PCDHGB5: variants seen among roughly 807,000 people sequenced by gnomAD.
PCDHGB5 encodes the protein protocadherin gamma-B5.
PCDHGB5 carries 48 observed loss-of-function variants against 62.9 expected under a neutral mutation model. The ratio of observed to expected loss-of-function variants is 0.76; its 90% CI spans 0.61 to 0.97. The LOEUF is 0.97. Ranked by LOEUF, PCDHGB5 falls within the 50% of genes least tolerant of loss-of-function variation. The pLI is 0.00. For missense variants in PCDHGB5, 1,118 were observed against 1,198.6 expected, an observed-to-expected ratio of 0.93 and a Z score of 0.99; for synonymous variants, 474 against 511.2, an observed-to-expected ratio of 0.93 and a Z score of 0.98.
chr5:141,511,138 A>C lies in PCDHGB5; in HGVS notation c.2737A>C (p.Asn913His). 6.2e-7 allele frequency: 1 copy of C among 1,614,210 alleles called. No homozygotes were observed. ...DGKAPAGGNGNKKKSGKKEKK is the reference protein window; with the variant it reads ...DGKAPAGGNGHKKKSGKKEKK ...CAAGGCCCCAGCAGGTGGCAATGGCAACAAGAAGAAGTCGGGCAAGAAGGA... is the reference window on the plus strand; with the variant it reads ...CAAGGCCCCAGCAGGTGGCAATGGCCACAAGAAGAAGTCGGGCAAGAAGGA... Residue 913 changes from asparagine to histidine, a missense_variant, in exon 4 of 4, where the codon AAC becomes CAC. This residue lies in a region of PCDHGB5 where 1,034 missense variants were observed against 1,029.1 expected (regional missense o/e 1.00). Transcript: ENST00000617380.
chr5:141,481,351 A>G (rs2099536232), intron 1 of PCDHGB5, among the ~76,000 whole-genome samples: 1 of 152,152 alleles, frequency 6.6e-6, no homozygotes, highest in Non-Finnish European at 1.5e-5. Context: ...TTAAACATCT[A>G]CAGCTGTTCA....
At chr5:141,412,981 G>C (rs1309699690) in intron 1 of PCDHGB5, 2 of 546,326 alleles carry the variant, frequency 3.7e-6, no homozygotes, top group Non-Finnish European at 3.1e-6. Context: ...AACGCAGCCA[G>C]AGCTCAATCC....
In PCDHGB5 at chr5:141,414,129, C is replaced by A. The variant is rs1487550233; in HGVS notation, c.2397+13605C>A. The A allele has an allele frequency of 1.9e-6, 3 of 1,594,152 alleles. No homozygotes were observed. In the Admixed American group the frequency reaches 5.3e-5, roughly 28 times the overall value. ...ATCTAGATTATGAAGAAACCGGTTT[C>A]TATGAAATAGAAATACAAGCAGAAG... On this transcript the variant is annotated intron_variant, in intron 1 of 3. Coordinates refer to ENST00000617380, the MANE Select transcript of PCDHGB5 (RefSeq NM_018925.3).
chr5:141,492,396 A>G (rs1400291073), intron 1 of PCDHGB5, among the ~76,000 whole-genome samples: 1 of 152,188 alleles, frequency 6.6e-6, no homozygotes, highest in Non-Finnish European at 1.5e-5. Flanking sequence ...GTCCACTCGC[A>G]GCTCCCCTCT....
chr5:141,485,958 T>C lies in PCDHGB5; in HGVS notation c.2398-8849T>C. On this transcript the variant is annotated intron_variant, in intron 1 of 3. Transcript: ENST00000617380. The surrounding 1 kb of genome is among the most constrained non-coding windows in gnomAD (Gnocchi z 5.7). ...AGCGCACCAGCGGGCATGGTGCTCATCCAGCTCAATGCCTCAGACCCGGAC... is the reference window on the plus strand; with the variant it reads ...AGCGCACCAGCGGGCATGGTGCTCACCCAGCTCAATGCCTCAGACCCGGAC... 1 of 1,614,190 alleles carries C rather than the reference T, an allele frequency of 6.2e-7. No individual in the cohort carries two copies. The highest frequency in any genetic ancestry group is 8.5e-7 in the Non-Finnish European group (1 of 1,180,032).
chr5:141,422,027 C>A, intron 1 of PCDHGB5: 1 of 1,610,650 alleles, frequency 6.2e-7, no homozygotes, highest in Non-Finnish European at 8.5e-7. Context: ...ATGGTTAATG[C>A]AACGGATCCA....
intron 1 of PCDHGB5, chr5:141,471,433 T>C (rs2099257619): frequency 6.6e-6 from 1 of 152,162 alleles, no homozygotes; most frequent in African/African-American, 2.4e-5. Flanking sequence ...GGAAAGTGTA[T>C]AATCTCATGT....
rs1304361659 is a variant in PCDHGB5 at position 141,494,859 on chromosome 5, C to T, written c.2450C>T (p.Thr817Ile). 2 of 1,614,134 alleles carry T rather than the reference C, an allele frequency of 1.2e-6. No individual in the cohort carries two copies. The highest frequency in any genetic ancestry group is 8.5e-7 in the Non-Finnish European group (1 of 1,180,012). Reference protein sequence around the residue: ...WRFSQAQRPGTSGSQNGDDTG... With the variant: ...WRFSQAQRPGISGSQNGDDTG... Reference sequence around the variant, plus strand: ...TTCTCTCAGGCCCAGAGACCCGGCACCAGCGGGTAGGTGACTGATTCTCCA... The same window carrying T: ...TTCTCTCAGGCCCAGAGACCCGGCATCAGCGGGTAGGTGACTGATTCTCCA... Residue 817 changes from threonine to isoleucine, a missense_variant, in exon 2 of 4, where the codon ACC becomes ATC. By Grantham distance (89) the Thr-to-Ile change is moderately conservative. This residue lies in a region of PCDHGB5 where 1,034 missense variants were observed against 1,029.1 expected (regional missense o/e 1.00). Coordinates refer to ENST00000617380, the MANE Select transcript of PCDHGB5 (RefSeq NM_018925.3).
rs2099394683 is a variant in PCDHGB5, at chr5:141,476,602, C to G, written c.2398-18205C>G. 2.5e-6 allele frequency: 4 copies of G among 1,614,208 alleles called. No individual in the cohort carries two copies. The highest frequency in any genetic ancestry group is 2.2e-5 in the East Asian group (1 of 44,862). Reference sequence around the variant, plus strand: ...TTCCGCTCGAGAGCGCGCACGATCCCGATGTGGGAAGCAACTCTTTACAAA... The same window carrying G: ...TTCCGCTCGAGAGCGCGCACGATCCGGATGTGGGAAGCAACTCTTTACAAA... On this transcript the variant is annotated intron_variant, in intron 1 of 3. Transcript: ENST00000617380. This position sits in a 1 kb window ranked among gnomAD's most constrained non-coding sequence, Gnocchi z 7.6.
intron 2 of PCDHGB5, among the ~76,000 whole-genome samples, chr5:141,495,262 A>G (rs550950979): frequency 1.3e-5 from 2 of 152,246 alleles, no homozygotes; most frequent in South Asian, 2.1e-4. Flanking sequence ...GCAGAAAAGC[A>G]TTTGACCGGA....
Position 141,487,870 on chromosome 5 carries a change from C to A in PCDHGB5, c.2398-6937C>A. On this transcript the variant is annotated intron_variant, in intron 1 of 3. Transcript: ENST00000617380. This position sits in a 1 kb window ranked among gnomAD's most constrained non-coding sequence, Gnocchi z 5.0. ...AATGAAAGTAATTGGTGATCAAGAGCCAGGCTGTTGTGGAAGCATGATGAT... is the reference window on the plus strand; with the variant it reads ...AATGAAAGTAATTGGTGATCAAGAGACAGGCTGTTGTGGAAGCATGATGAT... 3.5e-6 allele frequency: 3 copies of A among 865,052 alleles called. No individual in the cohort carries two copies. The highest frequency in any genetic ancestry group is 5.3e-6 in the Non-Finnish European group (3 of 568,628). The allele number at this position is 865,052 out of a possible 1,614,324, so 53.6% of individuals were successfully genotyped here.
At chr5:141,509,169 T>C (rs1321257504) in intron 3 of PCDHGB5, among the ~76,000 whole-genome samples, 2 of 152,174 alleles carry the variant, frequency 1.3e-5, no homozygotes, top group African/African-American at 4.8e-5. Context: ...TGTGCCCTCC[T>C]CCTCTTATGC....
Position 141,477,535 on chromosome 5 carries a change from G to A in PCDHGB5, c.2398-17272G>A, listed in dbSNP as rs2099412713. ...ACATTGAAGAAAACAACCTCCCCGG[G>A]GCTCCAATACTAAACCTAAGTGTCT... On this transcript the variant is annotated intron_variant, in intron 1 of 3. Transcript: ENST00000617380. The surrounding 1 kb of genome is among the most constrained non-coding windows in gnomAD (Gnocchi z 4.9). 1.2e-6 allele frequency: 2 copies of A among 1,613,936 alleles called. No homozygotes were observed. The highest frequency in any genetic ancestry group is 2.7e-5 in the African/African-American group (2 of 74,866).
intron 1 of PCDHGB5, among the ~76,000 whole-genome samples, chr5:141,482,530 C>CAAAAAAAAAA (rs3074545): frequency 1.2e-3 from 90 of 76,428 alleles, no homozygotes; most frequent in African/African-American, 1.7e-3. Context: ...GACAGACATG[C>CAAAAAAAAAA]AAAAAAAAAA....
Position 141,486,226 on chromosome 5 carries a change from A to G in PCDHGB5, c.2398-8581A>G, listed in dbSNP as rs889500362. 5.0e-6 allele frequency: 8 copies of G among 1,614,012 alleles called. No individual in the cohort carries two copies. The highest frequency in any genetic ancestry group is 6.8e-6 in the Non-Finnish European group (8 of 1,180,018). On this transcript the variant is annotated intron_variant, in intron 1 of 3. Transcript: ENST00000617380. This position sits in a 1 kb window ranked among gnomAD's most constrained non-coding sequence, Gnocchi z 5.0. ...TAAATGACAATGCCCCTTACATCACAGTGACCTCAGAGCTTGGAACCCTCC... is the reference window on the plus strand; with the variant it reads ...TAAATGACAATGCCCCTTACATCACGGTGACCTCAGAGCTTGGAACCCTCC...
rs761149166 is a variant in PCDHGB5 at position 141,510,977 on chromosome 5, G to C, written c.2576G>C (p.Gly859Ala). Residue 859 changes from glycine to alanine, a missense_variant, in exon 4 of 4, where the codon GGG (glycine) becomes GCG (alanine). Around this residue, in one of 2 missense-constraint regions of PCDHGB5, gnomAD observed 1,034 missense variants for 1,029.1 expected, o/e 1.00. Coordinates refer to ENST00000617380, the MANE Select transcript of PCDHGB5 (RefSeq NM_018925.3). Reference protein sequence around the residue: ...EAADGSSTLGGGAGTMGLSAR... With the variant: ...EAADGSSTLGAGAGTMGLSAR... ...GCTGATGGGAGCTCCACCCTGGGAG[G>C]GGGTGCCGGCACCATGGGATTGAGC... 9 of 1,614,052 alleles carry C rather than the reference G, an allele frequency of 5.6e-6. No individual in the cohort carries two copies. The Admixed American group carries it at 1.3e-4, about 24-fold the overall frequency.
Position 141,432,123 on chromosome 5 carries a change from C to T in PCDHGB5, c.2397+31599C>T. 6.2e-7 allele frequency: 1 copy of T among 1,614,172 alleles called. No homozygotes were observed. The highest frequency in any genetic ancestry group is 8.5e-7 in the Non-Finnish European group (1 of 1,180,042). ...GACAACCCGCCGGTCTTCCCTCAGGCCTCCTATTCCGCTTATATCCCAGAG... is the reference window on the plus strand; with the variant it reads ...GACAACCCGCCGGTCTTCCCTCAGGTCTCCTATTCCGCTTATATCCCAGAG... On this transcript the variant is annotated intron_variant, in intron 1 of 3. Coordinates refer to ENST00000617380, the MANE Select transcript of PCDHGB5 (RefSeq NM_018925.3). The surrounding 1 kb of genome is among the most constrained non-coding windows in gnomAD (Gnocchi z 6.0).
At chr5:141,417,955 G>C in intron 1 of PCDHGB5, 2 of 1,613,634 alleles carry the variant, frequency 1.2e-6, no homozygotes, top group Middle Eastern at 1.7e-4. Flanking sequence ...TGTGTGAGCC[G>C]ATCCGCTACT....
In PCDHGB5 at chr5:141,423,270, T is replaced by G. The variant is rs1304998648; in HGVS notation, c.2397+22746T>G. 3 of 1,613,686 alleles carry G rather than the reference T, an allele frequency of 1.9e-6. No homozygotes were observed. The African/African-American group carries it at 4.0e-5, about 22-fold the overall frequency. ...TGGCGGACCTCGGCAGCCTCGAGTC[T>G]CTGGCTAACTCTGAAACCTCAGACC... is the stretch of plus-strand genomic sequence containing the variant. On this transcript the variant is annotated intron_variant, in intron 1 of 3. Transcript: ENST00000617380.
Sources: gnomAD v4.1 joint callset for allele counts (sites outside exome capture counted in the v4.1 genomes callset) on GRCh38, gnomAD v4.1.1 for gene constraint, gnomAD v4.1.1 regional missense constraint, Gnocchi (gnomAD v3.1) non-coding constraint, MANE v1.5 for transcripts, NCBI Gene and HGNC (gene_info 2026-07-23, HGNC 2026-07-21) for gene names.